The following ODAD4 variants were observed in gnomAD, a reference collection of about 807,000 sequenced individuals.
The protein encoded by ODAD4 is outer dynein arm-docking complex subunit 4.
In ODAD4, 49 loss-of-function variants were observed where a neutral mutation model predicts 51.8. The ratio of observed to expected loss-of-function variants is 0.95; its 90% CI spans 0.75 to 1.20. The LOEUF is 1.20. ODAD4 is among the 50% of genes most tolerant of loss of function. ODAD4 has a pLI of 0.00. For missense variants in ODAD4, 590 were observed against 586.5 expected, an observed-to-expected ratio of 1.01 and a Z score of -0.06; for synonymous variants, 235 against 221.3, an observed-to-expected ratio of 1.06 and a Z score of -0.55.
At chr17:41,930,880 A>AATTTTT in intron 1 of ODAD4, 43 bp downstream of exon 1, 1 of 135,230 alleles carries the variant, frequency 7.4e-6, no homozygotes, top group Non-Finnish European at 1.2e-5. Context: ...ATCACCCGTC[A>AATTTTT]CTTTTTTTTT....
At chr17:41,963,641 CTT>C (rs571961236) in intron 11 of ODAD4, among the ~76,000 whole-genome samples, 18 of 140,718 alleles carry the variant, frequency 1.3e-4, no homozygotes, top group Admixed American at 1.4e-4. Flanking sequence ...TCTTTTCTTT[CTT>C]TTTTTTTTTT....
intron 9 of ODAD4, among the ~76,000 whole-genome samples, chr17:41,952,931 C>T (rs2050679137): frequency 6.6e-6 from 1 of 151,480 alleles, no homozygotes; most frequent in Non-Finnish European, 1.5e-5. Context: ...AGAACGGGGT[C>T]TCCCTATGTT....
intron 11 of ODAD4, among the ~76,000 whole-genome samples, chr17:41,962,421 GA>G (rs1299304290): frequency 6.6e-6 from 1 of 152,194 alleles, no homozygotes; most frequent in Admixed American, 6.5e-5. Flanking sequence ...TTCCTGCAGG[GA>G]GGGAGTGAGG....
rs192505389 is a variant in ODAD4, at chr17:41,933,167, C to A, written c.115-2050C>A. ...ACCCACCAGCAGAGAAAAAAGAACA[C>A]CCTGAGGGAAGGGTAGCCTTGGATG... is the stretch of plus-strand genomic sequence containing the variant. On this transcript the variant is annotated intron_variant, in intron 1 of 11. Transcript: ENST00000377540. 4.3e-3 allele frequency among the ~76,000 whole-genome samples: 650 copies of A among 152,230 alleles called. 3 individuals carry two copies. The highest frequency in any genetic ancestry group is 0.024 in the Middle Eastern group (7 of 294).
At chr17:41,935,188 G>T (rs2144490060) in intron 1 of ODAD4, 29 bp from the exon 2 acceptor site, 1 of 1,613,256 alleles carries the variant, frequency 6.2e-7, no homozygotes, top group Non-Finnish European at 8.5e-7. Flanking sequence ...CTTCATGCTG[G>T]CTGTCAACCT....
At chr17:41,932,663 G>A (rs782561921) in intron 1 of ODAD4, among the ~76,000 whole-genome samples, 4 of 151,470 alleles carry the variant, frequency 2.6e-5, no homozygotes. Flanking sequence ...TCCCACCTTA[G>A]TGTTCCAAGT....
chr17:41,963,325 G>C (rs2050830407), intron 11 of ODAD4, among the ~76,000 whole-genome samples: 1 of 152,128 alleles, frequency 6.6e-6, no homozygotes, highest in African/African-American at 2.4e-5. Context: ...TTAGGAGCAA[G>C]GATCCCTTTG....
chr17:41,937,047 GT>G, intron 5 of ODAD4, 120 bp downstream of exon 5: 1 of 1,217,604 alleles, frequency 8.2e-7, no homozygotes. Flanking sequence ...CTGTGGACAG[GT>G]TTTATTAGCA....
At chr17:41,954,592 C>T (rs1362876015) in intron 9 of ODAD4, among the ~76,000 whole-genome samples, 1 of 152,040 alleles carries the variant, frequency 6.6e-6, no homozygotes, top group Non-Finnish European at 1.5e-5. Context: ...TGGCTCACAC[C>T]TGTAATCCCA....
At chr17:41,947,796 A>C (rs900658566) in intron 8 of ODAD4, among the ~76,000 whole-genome samples, 7 of 151,106 alleles carry the variant, frequency 4.6e-5, no homozygotes, top group Non-Finnish European at 8.8e-5. Context: ...ACTCTGTCTC[A>C]AAGAAAAAAT....
chr17:41,934,426 A>C (rs1454621325), intron 1 of ODAD4, among the ~76,000 whole-genome samples: 1 of 151,846 alleles, frequency 6.6e-6, no homozygotes, highest in South Asian at 2.1e-4. Context: ...ATCATGGCTT[A>C]TGCAGCCTCG....
rs994514258 is a variant in ODAD4 at position 41,965,443 on chromosome 17, C to A, written c.1979C>A (p.Thr660Lys). ...ACACAATTTGGAGAAATAGGAGAAACGAAAAAAACAGGAAATGAGATGGAA... is the reference window on the plus strand; with the variant it reads ...ACACAATTTGGAGAAATAGGAGAAAAGAAAAAAACAGGAAATGAGATGGAA... ...GKTQFGEIGE[T>K]KKTGNEMEKE... Residue 660 changes from threonine to lysine, a missense_variant, in exon 12 of 12, where the codon ACG becomes AAG. Thr to Lys is a moderately conservative substitution (Grantham distance 78). This residue lies in a region of ODAD4 where 226 missense variants were observed against 162.7 expected (regional missense o/e 1.39). Coordinates refer to ENST00000377540, the MANE Select transcript of ODAD4 (RefSeq NM_031421.5). 3.9e-6 allele frequency: 3 copies of A among 765,438 alleles called. No individual in the cohort carries two copies. Among genetic ancestry groups the A allele is most frequent in the Admixed American group, 1.8e-5 (1 of 55,322 alleles). 47.4% of individuals were successfully genotyped at this position (765,438 alleles called of 1,614,324 possible).
rs1251194237 is a variant in ODAD4 at position 41,945,182 on chromosome 17, G to GT, written c.1110dup (p.Ala371CysfsTer11). 3.7e-6 allele frequency: 6 copies of GT among 1,613,254 alleles called. No individual in the cohort carries two copies. Among genetic ancestry groups the GT allele is most frequent in the Non-Finnish European group, 5.1e-6 (6 of 1,179,740 alleles). On this transcript the variant is annotated frameshift_variant, in exon 8 of 12. Coordinates refer to ENST00000377540, the MANE Select transcript of ODAD4 (RefSeq NM_031421.5). LOFTEE classifies it high-confidence loss of function. ...GAGAGCCCTTGACAACATTGGCAGA[G>GT]TTTTTGCCAGAGTTGGGAAATTCCA...
At chr17:41,951,530 C>T (rs2050651837) in intron 9 of ODAD4, among the ~76,000 whole-genome samples, 1 of 148,900 alleles carries the variant, frequency 6.7e-6, no homozygotes, top group Admixed American at 6.6e-5. Context: ...ACCTCCGCCT[C>T]CCGGGGTCAA....
intron 11 of ODAD4, among the ~76,000 whole-genome samples, chr17:41,962,475 A>G (rs551141613): frequency 6.6e-5 from 10 of 152,214 alleles, no homozygotes; most frequent in African/African-American, 2.4e-4. Context: ...ACCCCACTGG[A>G]GAGGGGCCTA....
rs1191101800 is a variant in ODAD4 at position 41,944,444 on chromosome 17, A to ACACACACACACACACAC, written c.1059-691_1059-690insACACACACACACACACC. Among the ~76,000 whole-genome samples, 12 of 19,566 alleles carry ACACACACACACACACAC rather than the reference A, an allele frequency of 6.1e-4. 1 individual carries two copies. In the East Asian group the frequency reaches 9.7e-3, roughly 16 times the overall value. 12.8% of individuals were successfully genotyped at this position (19,566 alleles called of 152,430 possible). A position where few individuals can be genotyped will look rare whatever the true frequency, so the allele number is the denominator to read the frequency against. On this transcript the variant is annotated intron_variant, in intron 7 of 11. Transcript: ENST00000377540. ...CACACACACACACACACACACACAC[A>ACACACACACACACACAC]CCCCCCCGCATACACAGAAATTGCC...
intron 11 of ODAD4, among the ~76,000 whole-genome samples, chr17:41,964,387 G>A (rs1214992957): frequency 6.6e-6 from 1 of 152,014 alleles, no homozygotes; most frequent in Non-Finnish European, 1.5e-5. Context: ...ATCGATCTCA[G>A]GTCCCTTGAC....
intron 10 of ODAD4, among the ~76,000 whole-genome samples, chr17:41,956,426 T>A (rs2144532474): frequency 6.6e-6 from 1 of 151,688 alleles, no homozygotes; most frequent in East Asian, 1.9e-4. Context: ...CCTTAGGTGA[T>A]CTGCCCGCCT....
rs893039151 is a variant in ODAD4 at position 41,966,435 on chromosome 17, T to A, written c.*952T>A. 6.6e-6 allele frequency among the ~76,000 whole-genome samples: 1 copy of A among 152,224 alleles called. No individual in the cohort carries two copies. Among genetic ancestry groups the A allele is most frequent in the Non-Finnish European group, 1.5e-5 (1 of 68,042 alleles). On this transcript the variant is annotated 3_prime_UTR_variant, in exon 12 of 12. Transcript: ENST00000377540. ...ATCCAATGTGGTAAAAAAAAAAGTTTTTAATTAATGCAAAAGTCCATGATG... is the reference window on the plus strand; with the variant it reads ...ATCCAATGTGGTAAAAAAAAAAGTTATTAATTAATGCAAAAGTCCATGATG...
Sources: gnomAD v4.1 joint callset for allele counts (sites outside exome capture counted in the v4.1 genomes callset) on GRCh38, gnomAD v4.1.1 for gene constraint, gnomAD v4.1.1 regional missense constraint, MANE v1.5 for transcripts, NCBI Gene and HGNC (gene_info 2026-07-23, HGNC 2026-07-21) for gene names.